LEKR1: variants seen among roughly 807,000 people sequenced by gnomAD.
LEKR1 encodes leucine, glutamate and lysine rich 1, also known as protein LEKR1.
Under a neutral mutation model 72.4 loss-of-function variants are expected in LEKR1, and 59 were observed. The observed-to-expected ratio is 0.82, with a 90% CI of 0.66 to 1.01. The LOEUF is 1.01. Among genes scored for constraint, LEKR1 ranks in the 50% least tolerant of loss-of-function variants. LEKR1 has a pLI of 0.00. For synonymous variants in LEKR1, 257 were observed against 263.2 expected, an observed-to-expected ratio of 0.98 and a Z score of 0.23; for missense variants, 728 against 759.2, an observed-to-expected ratio of 0.96 and a Z score of 0.48.
At chr3:156,908,356 T>G (rs916666794) in intron 3 of LEKR1, among the ~76,000 whole-genome samples, 1 of 152,186 alleles carries the variant, frequency 6.6e-6, no homozygotes, top group African/African-American at 2.4e-5. Context: ...AATGGTGATT[T>G]TCTCATTCAC....
chr3:157,004,482 T>G (rs1209227932), intron 9 of LEKR1, among the ~76,000 whole-genome samples: 1 of 152,112 alleles, frequency 6.6e-6, no homozygotes, highest in Non-Finnish European at 1.5e-5. Context: ...TAATTGACAT[T>G]TATACAACAT....
intron 12 of LEKR1, among the ~76,000 whole-genome samples, chr3:157,037,061 AATATGAGG>A (rs1416386977): frequency 6.6e-6 from 1 of 152,172 alleles, no homozygotes; most frequent in Non-Finnish European, 1.5e-5. Flanking sequence ...TTGTGACAGA[AATATGAGG>A]ATAGGAGGAG....
intron 7 of LEKR1, among the ~76,000 whole-genome samples, chr3:156,985,611 A>G (rs1245103713): frequency 2.6e-5 from 4 of 152,134 alleles, no homozygotes; most frequent in Non-Finnish European, 4.4e-5. Flanking sequence ...GAGGCGAGGC[A>G]GGTGGATCCC....
intron 10 of LEKR1, among the ~76,000 whole-genome samples, chr3:157,015,799 T>A (rs1253878366): frequency 2.0e-5 from 3 of 151,992 alleles, no homozygotes; most frequent in African/African-American, 7.2e-5. Context: ...AAAACAAATA[T>A]GATAACTGTA....
intron 12 of LEKR1, among the ~76,000 whole-genome samples, chr3:157,032,283 CA>C (rs1484257789): frequency 6.6e-6 from 1 of 152,158 alleles, no homozygotes; most frequent in Non-Finnish European, 1.5e-5. Flanking sequence ...AAACAGCTCA[CA>C]TACAATCACC....
intron 7 of LEKR1, among the ~76,000 whole-genome samples, chr3:156,992,060 G>C (rs1731179167): frequency 6.6e-6 from 1 of 152,168 alleles, no homozygotes; most frequent in Admixed American, 6.5e-5. Context: ...CTTTAACTAG[G>C]CTGCTTGGAA....
chr3:156,925,439 T>C (rs1434532155), intron 4 of LEKR1, among the ~76,000 whole-genome samples: 2 of 151,952 alleles, frequency 1.3e-5, no homozygotes, highest in East Asian at 3.9e-4. Flanking sequence ...CCTTTGGACT[T>C]CATACCTACT....
intron 6 of LEKR1, among the ~76,000 whole-genome samples, chr3:156,970,228 C>A (rs990394200): frequency 1.3e-5 from 2 of 152,194 alleles, no homozygotes; most frequent in Non-Finnish European, 2.9e-5. Context: ...GGGATGCCCT[C>A]TCTCACCACT....
chr3:157,031,524 C>T (rs1170030228), intron 12 of LEKR1, among the ~76,000 whole-genome samples: 1 of 152,038 alleles, frequency 6.6e-6, no homozygotes, highest in Non-Finnish European at 1.5e-5. Flanking sequence ...TCTGGCTAAG[C>T]ATGCCAGAGT....
At chr3:156,927,865 T>C (rs562423075) in intron 5 of LEKR1, among the ~76,000 whole-genome samples, 73 of 152,078 alleles carry the variant, frequency 4.8e-4, no homozygotes, top group African/African-American at 1.6e-3. Flanking sequence ...ATCTATGTTT[T>C]TAAAACTCCT....
At chr3:156,988,402 G>A in intron 7 of LEKR1, 1 of 222,714 alleles carries the variant, frequency 4.5e-6, no homozygotes, top group Non-Finnish European at 9.6e-6. Context: ...GGGGATCCCA[G>A]TCATCGTGTC....
chr3:157,041,488 C>A (rs1735337363), intron 12 of LEKR1, among the ~76,000 whole-genome samples: 1 of 152,094 alleles, frequency 6.6e-6, no homozygotes, highest in Non-Finnish European at 1.5e-5. Context: ...AATAAATTTT[C>A]TCTTGATCTG....
chr3:156,850,463 G>A (rs1414286510), intron 2 of LEKR1, among the ~76,000 whole-genome samples: 1 of 152,070 alleles, frequency 6.6e-6, no homozygotes, highest in East Asian at 1.9e-4. Context: ...CTGAAGTGAG[G>A]AACTGGAAGA....
intron 12 of LEKR1, among the ~76,000 whole-genome samples, chr3:157,044,512 C>A (rs754161385): frequency 2.6e-5 from 4 of 152,212 alleles, no homozygotes; most frequent in Non-Finnish European, 5.9e-5. Context: ...TGAGATTCAA[C>A]CCTTGAGTGT....
At chr3:156,981,355 G>A (rs1049507777) in intron 7 of LEKR1, among the ~76,000 whole-genome samples, 5 of 152,082 alleles carry the variant, frequency 3.3e-5, no homozygotes, top group African/African-American at 1.2e-4. Context: ...TGAGAGTCAG[G>A]GTAGACTGGA....
At chr3:156,927,664 A>C in intron 5 of LEKR1, 60 bp downstream of exon 5, 1 of 620,930 alleles carries the variant, frequency 1.6e-6, no homozygotes, top group South Asian at 2.0e-5. Flanking sequence ...CATCATAAGT[A>C]ATAAAATAAT....
Position 157,046,094 on chromosome 3 carries a change from A to G in LEKR1, c.*344A>G. Reference sequence around the variant, plus strand: ...CAATTTCTTGCGCCACTACAAGCAGATATATTTCCACAAAAAAATAGATTG... The same window carrying G: ...CAATTTCTTGCGCCACTACAAGCAGGTATATTTCCACAAAAAAATAGATTG... On this transcript the variant is annotated 3_prime_UTR_variant, in exon 13 of 13. Transcript: ENST00000356539. 5.0e-6 allele frequency: 1 copy of G among 201,092 alleles called. No individual in the cohort carries two copies. Among genetic ancestry groups the G allele is most frequent in the Non-Finnish European group, 1.0e-5 (1 of 99,368 alleles). 12.5% of individuals were successfully genotyped at this position (201,092 alleles called of 1,614,324 possible). A position where few individuals can be genotyped will look rare whatever the true frequency, so the allele number is the denominator to read the frequency against.
chr3:156,987,032 GTAT>G (rs1441576675), intron 7 of LEKR1, among the ~76,000 whole-genome samples: 6 of 93,248 alleles, frequency 6.4e-5, no homozygotes, highest in Non-Finnish European at 1.3e-4. Context: ...CTATTGTATT[GTAT>G]TGTATTGTAT....
At chr3:156,831,205 G>A (rs1712356137) in intron 2 of LEKR1, among the ~76,000 whole-genome samples, 1 of 152,016 alleles carries the variant, frequency 6.6e-6, no homozygotes, top group Non-Finnish European at 1.5e-5. Flanking sequence ...TCCAAGTGGG[G>A]CATCAGTCAT....
Sources: gnomAD v4.1 joint callset for allele counts (sites outside exome capture counted in the v4.1 genomes callset) on GRCh38, gnomAD v4.1.1 for gene constraint, MANE v1.5 for transcripts, NCBI Gene and HGNC (gene_info 2026-07-23, HGNC 2026-07-21) for gene names.